DNTT: variants seen among roughly 807,000 people sequenced by gnomAD.
The protein encoded by DNTT is DNA nucleotidylexotransferase.
In DNTT, 47 loss-of-function variants were observed where a neutral mutation model predicts 60.9. The ratio of observed to expected loss-of-function variants is 0.77; its 90% CI spans 0.61 to 0.98. DNTT has a LOEUF of 0.98. Ranked by LOEUF, DNTT falls within the 50% of genes least tolerant of loss-of-function variation. The probability of loss-of-function intolerance (pLI) is 0.00; values close to 1 mark genes in which losing one functional copy is unlikely to be tolerated. For synonymous variants in DNTT, 224 were observed against 221.2 expected (o/e 1.01, Z -0.11); for missense variants, 665 against 627.5 (o/e 1.06, Z -0.64).
chr10:96,304,539 G>T lies in DNTT; in HGVS notation c.42G>T (p.Lys14Asn). The T allele has an allele frequency of 1.2e-6, 2 of 1,614,118 alleles. No individual in the cohort carries two copies. The highest frequency in any genetic ancestry group is 1.7e-6 in the Non-Finnish European group (2 of 1,180,014). The change falls in exon 1 of 11, where the codon AAG (lysine) becomes AAT (asparagine). Residue 14 changes from lysine to asparagine, a missense_variant. Transcript: ENST00000371174. ...CGTCCCACTTGAGCCCTCGGAAGAA[G>T]AGACCCCGGCAGACGGGTGCCTTGA... The part of the protein sequence containing the change: ...PRASHLSPRK[K>N]RPRQTGALMA...
intron 1 of DNTT, among the ~76,000 whole-genome samples, chr10:96,308,180 T>A (rs1844666962): frequency 6.6e-6 from 1 of 152,212 alleles, no homozygotes; most frequent in Admixed American, 6.5e-5. Flanking sequence ...GATTCCTGCT[T>A]TACTTGGGCC....
rs201883290 is a variant in DNTT, at chr10:96,328,830, G to A, written c.1113G>A (p.Lys371=). ...AAGTGATGAACTTATGGGAAAAGAA[G>A]GTGAGAAGAAAGATGAAAAATACAT... The part of the protein sequence containing the change: ...LQKVMNLWEK[K]GLLLYYDLVE... Residue 371 remains lysine (K), a splice_region_variant and synonymous_variant, in exon 8 of 11, where the codon AAG becomes AAA. Transcript: ENST00000371174. 1 of 1,611,980 alleles carries A rather than the reference G, an allele frequency of 6.2e-7. No homozygotes were observed. The highest frequency in any genetic ancestry group is 8.5e-7 in the Non-Finnish European group (1 of 1,179,362).
chr10:96,310,256 C>T (rs975995114), intron 1 of DNTT, among the ~76,000 whole-genome samples: 1 of 152,216 alleles, frequency 6.6e-6, no homozygotes, highest in Non-Finnish European at 1.5e-5. Flanking sequence ...TGAATATAAC[C>T]ATCCTTCCCA....
chr10:96,332,805 C>T (rs1845023874), intron 9 of DNTT, among the ~76,000 whole-genome samples: 1 of 152,166 alleles, frequency 6.6e-6, no homozygotes, highest in South Asian at 2.1e-4. Flanking sequence ...TGTGTGGTCC[C>T]CAACACCAGC....
At chr10:96,310,535 C>G (rs1844703303) in intron 1 of DNTT, among the ~76,000 whole-genome samples, 1 of 152,202 alleles carries the variant, frequency 6.6e-6, no homozygotes, top group African/African-American at 2.4e-5. Context: ...CCCTTTACCT[C>G]TCTGCTTCCC....
chr10:96,306,552 C>T (rs1030547548), intron 1 of DNTT: 7 of 152,160 alleles, frequency 4.6e-5, no homozygotes, highest in Admixed American at 1.3e-4. Context: ...AGCAAGGACC[C>T]GCTGATTTAT....
At position 96,328,783 on chromosome 10, in the gene DNTT, G is replaced by T. The variant is rs1844970021; in HGVS notation, c.1066G>T (p.Asp356Tyr). The change falls in exon 8 of 11, where the codon GAT becomes TAT. Residue 356 changes from aspartate to tyrosine, a missense_variant. By Grantham distance (160) the Asp-to-Tyr change is radical (BLOSUM62 -3). Coordinates refer to ENST00000371174, the MANE Select transcript of DNTT (RefSeq NM_004088.4). ...FLITSPGSTEDEEQLLQKVMN... is the reference protein window; with the variant it reads ...FLITSPGSTEYEEQLLQKVMN... Reference sequence around the variant, plus strand: ...AATTACCAGCCCAGGATCAACAGAGGATGAAGAGCAACTTTTACAGAAAGT... The same window carrying T: ...AATTACCAGCCCAGGATCAACAGAGTATGAAGAGCAACTTTTACAGAAAGT... The T allele has an allele frequency of 1.9e-6, 3 of 1,613,922 alleles. No individual in the cohort carries two copies. Among genetic ancestry groups the T allele is most frequent in the Non-Finnish European group, 2.5e-6 (3 of 1,179,926 alleles).
chr10:96,331,484 C>T (rs951157843), intron 8 of DNTT, among the ~76,000 whole-genome samples: 29 of 152,162 alleles, frequency 1.9e-4, no homozygotes, highest in Admixed American at 2.0e-4. Context: ...TGGCAGGTGC[C>T]GAGGTCACAG....
In DNTT at chr10:96,332,340, T is replaced by C; in HGVS notation, c.1114-11T>C. ...AGGGCCTTTTCCTGATGCCATTCTG[T>C]TTCTTTTCAGGGATTACTTTTATAT... On this transcript the variant is annotated splice_polypyrimidine_tract_variant and intron_variant, in intron 8 of 10. Transcript: ENST00000371174. 3 of 1,610,732 alleles carry C rather than the reference T, an allele frequency of 1.9e-6. No homozygotes were observed. The highest frequency in any genetic ancestry group is 2.5e-6 in the Non-Finnish European group (3 of 1,177,482).
rs767536275 is a variant in DNTT at position 96,327,470 on chromosome 10, T to C, written c.877T>C (p.Phe293Leu). 17 of 1,614,056 alleles carry C rather than the reference T, an allele frequency of 1.1e-5. No individual in the cohort carries two copies. The highest frequency in any genetic ancestry group is 1.4e-5 in the Non-Finnish European group (16 of 1,179,932). Reference protein sequence around the residue: ...LKFTRMQKAGFLYYEDLVSCV... With the variant: ...LKFTRMQKAGLLYYEDLVSCV... ...TGACCTGTCAAATGGCCTCTCAGGA[T>C]TTCTGTATTATGAAGACCTTGTCAG... The change falls in exon 7 of 11, where the codon TTT (phenylalanine) becomes CTT (leucine). Residue 293 changes from phenylalanine (F) to leucine (L), a missense_variant and splice_region_variant. By Grantham distance (22) the Phe-to-Leu change is conservative. Coordinates refer to ENST00000371174, the MANE Select transcript of DNTT (RefSeq NM_004088.4).
intron 9 of DNTT, among the ~76,000 whole-genome samples, chr10:96,334,467 T>C (rs1368484306): frequency 6.6e-6 from 1 of 152,226 alleles, no homozygotes; most frequent in Non-Finnish European, 1.5e-5. Context: ...CACCTCACCC[T>C]GTTTCTCCTG....
At chr10:96,312,200 TG>T (rs1158767352) in intron 1 of DNTT, among the ~76,000 whole-genome samples, 1 of 152,186 alleles carries the variant, frequency 6.6e-6, no homozygotes, top group Non-Finnish European at 1.5e-5. Context: ...AAATCTAGGC[TG>T]GGGCAGTTCA....
chr10:96,310,304 G>T (rs1844700170), intron 1 of DNTT, among the ~76,000 whole-genome samples: 1 of 152,124 alleles, frequency 6.6e-6, no homozygotes, highest in African/African-American at 2.4e-5. Context: ...CTTTGGCAAT[G>T]TTCTATTCTA....
chr10:96,324,178 T>C, intron 5 of DNTT, 88 bp from the exon 6 acceptor site: 1 of 1,456,184 alleles, frequency 6.9e-7, no homozygotes. Context: ...TACTTTTTCT[T>C]CATTGCCTGA....
intron 10 of DNTT, among the ~76,000 whole-genome samples, chr10:96,336,914 G>A (rs377160706): frequency 1.4e-5 from 2 of 144,250 alleles, no homozygotes; most frequent in South Asian, 4.5e-4. Context: ...CTCCAGCCTG[G>A]GCAACAGAGT....
chr10:96,328,726 G>T lies in DNTT; in HGVS notation c.1009G>T (p.Gly337Cys). The T allele has an allele frequency of 6.2e-7, 1 of 1,611,142 alleles. No individual in the cohort carries two copies. ...FVTMTGGFRR[G>C]KKMGHDVDFL... ...TTTTATACTGCTTTTGAAAATTAGG[G>T]GTAAGAAGATGGGGCATGATGTAGA... is the stretch of plus-strand genomic sequence containing the variant. The change falls in exon 8 of 11, where the codon GGT becomes TGT. Residue 337 changes from glycine to cysteine, a missense_variant and splice_region_variant. Transcript: ENST00000371174.
Position 96,318,415 on chromosome 10 carries a change from AG to A in DNTT, c.268del (p.Ala90HisfsTer18), listed in dbSNP as rs778167572. Reference protein sequence around the residue: ...SGSDVLEWLQAQKVQVSSQPE... With the variant: ...SGSDVLEWLQXQKVQVSSQPE... ...GTTCGGATGTTCTGGAGTGGCTTCA[AG>A]CACAGAAAGTACAAGTCAGCTCACA... On this transcript the variant is annotated frameshift_variant, in exon 2 of 11. Coordinates refer to ENST00000371174, the MANE Select transcript of DNTT (RefSeq NM_004088.4). LOFTEE classifies it high-confidence loss of function. 1.2e-6 allele frequency: 2 copies of A among 1,613,878 alleles called. No individual in the cohort carries two copies. Among genetic ancestry groups the A allele is most frequent in the Non-Finnish European group, 1.7e-6 (2 of 1,179,824 alleles).
At position 96,304,572 on chromosome 10, in the gene DNTT, C is replaced by G; in HGVS notation, c.75C>G (p.Ser25=). 2 of 1,614,140 alleles carry G rather than the reference C, an allele frequency of 1.2e-6. No homozygotes were observed. The highest frequency in any genetic ancestry group is 1.7e-6 in the Non-Finnish European group (2 of 1,180,004). The part of the protein sequence containing the change: ...RPRQTGALMA[S]SPQDIKFQDL... Reference sequence around the variant, plus strand: ...GGCAGACGGGTGCCTTGATGGCCTCCTCTCCTCAAGACATCAAATTTCAAG... The same window carrying G: ...GGCAGACGGGTGCCTTGATGGCCTCGTCTCCTCAAGACATCAAATTTCAAG... Residue 25 remains serine, a synonymous_variant, in exon 1 of 11, where the codon TCC becomes TCG. Coordinates refer to ENST00000371174, the MANE Select transcript of DNTT (RefSeq NM_004088.4).
At chr10:96,317,236 G>A (rs141985082) in intron 1 of DNTT, among the ~76,000 whole-genome samples, 13 of 152,306 alleles carry the variant, frequency 8.5e-5, no homozygotes, top group African/African-American at 2.9e-4. Context: ...TCATTTACCA[G>A]CTGTGTGACT....
Sources: allele counts gnomAD v4.1 joint callset (sites outside exome capture counted in the v4.1 genomes callset), GRCh38; gene constraint gnomAD v4.1.1; transcripts MANE v1.5; gene names NCBI Gene and HGNC (gene_info 2026-07-23, HGNC 2026-07-21).